Variants in SMG5 observed in about 807,000 individuals in gnomAD.
The protein encoded by SMG5 is nonsense-mediated mRNA decay factor SMG5.
SMG5 carries 53 observed loss-of-function variants against 122.9 expected under a neutral mutation model. That is an observed-to-expected ratio of 0.43 (90% CI 0.35 to 0.54). The LOEUF (loss-of-function observed/expected upper bound fraction) is 0.54. Ranked by LOEUF, SMG5 falls within the 20% of genes least tolerant of loss-of-function variation. The pLI is 0.01. For synonymous variants in SMG5, 477 were observed against 490.2 expected, an observed-to-expected ratio of 0.97 and a Z score of 0.35; for missense variants, 1,153 against 1,285.6, an observed-to-expected ratio of 0.90 and a Z score of 1.58.
chr1:156,256,685 G>A (rs973280770), intron 16 of SMG5, among the ~76,000 whole-genome samples: 2 of 152,072 alleles, frequency 1.3e-5, no homozygotes, highest in Admixed American at 6.6e-5. Flanking sequence ...TCAAACAGAT[G>A]TAGGCCTACG....
intron 15 of SMG5, among the ~76,000 whole-genome samples, chr1:156,259,829 G>A (rs543362469): frequency 9.9e-5 from 15 of 152,266 alleles, no homozygotes; most frequent in African/African-American, 3.6e-4. Context: ...ATTGCACCTG[G>A]CCCCAACTTA....
chr1:156,268,354 C>T lies in SMG5; in HGVS notation c.775G>A (p.Ala259Thr). Residue 259 changes from alanine (A) to threonine (T), a missense_variant, in exon 8 of 22, where the codon GCA becomes ACA. This residue lies in a region of SMG5 where 85 missense variants were observed against 127.3 expected (regional missense o/e 0.67). Transcript: ENST00000361813. ...TTCAGTTGGTGGTACATTTTGGCTG[C>T]CTTGTCATACAGCCGCTTGAGGTTC... ...YGNLKRLYDK[A>T]AKMYHQLKKC... 1 of 1,614,164 alleles carries T rather than the reference C, an allele frequency of 6.2e-7. No individual in the cohort carries two copies. The highest frequency in any genetic ancestry group is 8.5e-7 in the Non-Finnish European group (1 of 1,180,024).
upstream of SMG5, chr1:156,285,288 G>C: frequency 6.4e-7 from 1 of 1,573,322 alleles, no homozygotes; most frequent in Non-Finnish European, 8.6e-7. Flanking sequence ...CCAGAGAAGA[G>C]CTCACCCCAG....
chr1:156,277,058 C>G (rs1323123107), intron 4 of SMG5, 27 bp downstream of exon 4: 3 of 1,606,412 alleles, frequency 1.9e-6, no homozygotes, highest in Admixed American at 3.4e-5. Flanking sequence ...AGAACCTGCT[C>G]AAGTCCACCT....
chr1:156,271,566 G>GTTTTTTT (rs755111375), intron 7 of SMG5, among the ~76,000 whole-genome samples: 19 of 82,302 alleles, frequency 2.3e-4, no homozygotes, highest in Admixed American at 3.5e-4. Flanking sequence ...CCCTGAAGAG[G>GTTTTTTT]TTTTTTTTTT....
At chr1:156,290,644 C>T in the SMG5 span, 6 of 151,776 alleles carry the variant, frequency 4.0e-5, no homozygotes, top group African/African-American at 1.2e-4. Context: ...GAGACCATCT[C>T]GGGTGAAACC....
chr1:156,281,634 G>T (rs3001791), intron 1 of SMG5, among the ~76,000 whole-genome samples: 39,009 of 152,110 alleles, frequency 0.26, 5,277 homozygotes, highest in Non-Finnish European at 0.27. Flanking sequence ...TGTGGCCAAG[G>T]CTCTGAGGGT....
At chr1:156,269,564 G>A (rs1236423818) in intron 7 of SMG5, among the ~76,000 whole-genome samples, 1 of 151,700 alleles carries the variant, frequency 6.6e-6, no homozygotes, top group African/African-American at 2.4e-5. Flanking sequence ...GTGAAACCCT[G>A]TCTCTACTAA....
intron 7 of SMG5, among the ~76,000 whole-genome samples, chr1:156,271,202 G>A (rs992377973): frequency 1.6e-4 from 25 of 152,202 alleles, no homozygotes; most frequent in Middle Eastern, 3.4e-3. Context: ...AAAAGTCATG[G>A]CACATGGAAT....
intron 16 of SMG5, among the ~76,000 whole-genome samples, chr1:156,256,634 G>A (rs560301995): frequency 3.3e-5 from 5 of 152,186 alleles, no homozygotes; most frequent in Admixed American, 3.3e-4. Context: ...AGAAGATGGA[G>A]CTGTGCTAAT....
At chr1:156,258,859 C>T (rs115614412) in intron 16 of SMG5, 146 bp downstream of exon 16, 9,904 of 978,586 alleles carry the variant, frequency 0.01, 71 homozygotes, top group Non-Finnish European at 0.012. Context: ...CTTCCCAGGC[C>T]TCCCTCCCAG....
At position 156,263,578 on chromosome 1, in the gene SMG5, GT is replaced by G. The variant is rs1661965523; in HGVS notation, c.1856-9del. ...CAGAGCCCTCCTCAGAGGCTGGGGG[GT>G]GGGTGAATGGAAGAGAAAAAAACTG... On this transcript the variant is annotated splice_polypyrimidine_tract_variant and intron_variant, in intron 12 of 21. Coordinates refer to ENST00000361813, the MANE Select transcript of SMG5 (RefSeq NM_015327.3). The G allele has an allele frequency of 1.2e-6, 2 of 1,611,088 alleles. No individual in the cohort carries two copies. Among genetic ancestry groups the G allele is most frequent in the East Asian group, 4.5e-5 (2 of 44,780 alleles).
At chr1:156,286,357 C>T (rs1159597874), upstream of SMG5, 1 of 1,614,166 alleles carries the variant, frequency 6.2e-7, no homozygotes, top group Non-Finnish European at 8.5e-7. Flanking sequence ...GATATGTGGC[C>T]CAGTCGGTCC....
At chr1:156,274,536 G>A in intron 5 of SMG5, 61 bp downstream of exon 5, 1 of 1,491,368 alleles carries the variant, frequency 6.7e-7, no homozygotes, top group Non-Finnish European at 9.3e-7. Flanking sequence ...ACCAACAACT[G>A]AAGCAGCCTG....
At chr1:156,272,083 T>C (rs1662462036) in intron 7 of SMG5, among the ~76,000 whole-genome samples, 1 of 152,208 alleles carries the variant, frequency 6.6e-6, no homozygotes, top group Non-Finnish European at 1.5e-5. Flanking sequence ...ACAGCAATCT[T>C]GTATTTTGCA....
intron 10 of SMG5, 121 bp from the exon 11 acceptor site, chr1:156,266,799 T>TTA: frequency 8.6e-7 from 1 of 1,163,544 alleles, no homozygotes; most frequent in Non-Finnish European, 1.2e-6. Context: ...TTATCAAAGA[T>TTA]TCTTTTTTTT....
intron 19 of SMG5, 96 bp downstream of exon 19, chr1:156,252,316 ATG>A (rs1661387675): frequency 1.7e-5 from 18 of 1,047,566 alleles, no homozygotes; most frequent in Admixed American, 5.5e-5. Flanking sequence ...ACGGGTATGT[ATG>A]TGTCTTACCC....
At chr1:156,282,838 G>C (rs145437142), upstream of SMG5, 3 of 719,464 alleles carry the variant, frequency 4.2e-6, no homozygotes, top group Non-Finnish European at 6.6e-6. Flanking sequence ...CTCCTCCTCC[G>C]CCTGCCAAAT....
chr1:156,253,643 A>C (rs1661454493), intron 16 of SMG5, 135 bp from the exon 17 acceptor site: 1 of 764,610 alleles, frequency 1.3e-6, no homozygotes, highest in African/African-American at 1.7e-5. Context: ...CTGCTGAATG[A>C]GGGGAGGAGA....
Sources: allele counts gnomAD v4.1 joint callset (sites outside exome capture counted in the v4.1 genomes callset), GRCh38; gene constraint gnomAD v4.1.1; regional missense constraint gnomAD v4.1.1; transcripts MANE v1.5; gene names NCBI Gene and HGNC (gene_info 2026-07-23, HGNC 2026-07-21).